NEK1: variants seen among roughly 807,000 people sequenced by gnomAD.
NEK1 encodes the protein serine/threonine-protein kinase Nek1.
A neutral mutation model predicts 182.1 loss-of-function variants in NEK1; 137 were observed. The ratio of observed to expected loss-of-function variants is 0.75; its 90% CI spans 0.65 to 0.87. NEK1 has a LOEUF of 0.87. NEK1 is among the 40% of genes least tolerant of loss of function. The pLI is 0.00. For synonymous variants in NEK1, 513 were observed against 492.2 expected, an observed-to-expected ratio of 1.04 and a Z score of -0.56; for missense variants, 1,391 against 1,494.4, an observed-to-expected ratio of 0.93 and a Z score of 1.14.
At chr4:169,497,574 G>T (rs996817276) in intron 23 of NEK1, among the ~76,000 whole-genome samples, 2 of 152,048 alleles carry the variant, frequency 1.3e-5, no homozygotes, top group Non-Finnish European at 2.9e-5. Flanking sequence ...GCACTGCTTT[G>T]AGTGTGTCCC....
chr4:169,522,086 T>C (rs1253995542), intron 19 of NEK1, among the ~76,000 whole-genome samples: 1 of 152,206 alleles, frequency 6.6e-6, no homozygotes, highest in Non-Finnish European at 1.5e-5. Flanking sequence ...GTTGTTCAGA[T>C]AGAGAACTGA....
At chr4:169,495,961 G>C (rs1275991006) in intron 23 of NEK1, among the ~76,000 whole-genome samples, 1 of 152,152 alleles carries the variant, frequency 6.6e-6, no homozygotes, top group African/African-American at 2.4e-5. Context: ...TAGCTTGATG[G>C]GGATGGCATT....
chr4:169,552,363 CAA>C (rs57979638), intron 18 of NEK1, among the ~76,000 whole-genome samples: 1 of 121,268 alleles, frequency 8.2e-6, no homozygotes. Context: ...CTATACATGC[CAA>C]AAAAAAAAAA....
chr4:169,476,832 T>C (rs1279718699), intron 26 of NEK1, among the ~76,000 whole-genome samples: 1 of 152,114 alleles, frequency 6.6e-6, no homozygotes, highest in Non-Finnish European at 1.5e-5. Flanking sequence ...TAACATGGTA[T>C]ACAGAGTTAA....
chr4:169,426,071 C>A, intron 30 of NEK1, 75 bp downstream of exon 30: 1 of 1,058,298 alleles, frequency 9.4e-7, no homozygotes, highest in Non-Finnish European at 1.4e-6. Context: ...TATATATTAC[C>A]CAAATAAAAC....
intron 16 of NEK1, among the ~76,000 whole-genome samples, chr4:169,560,471 C>A (rs372927143): frequency 1.3e-5 from 2 of 152,080 alleles, no homozygotes; most frequent in Non-Finnish European, 2.9e-5. Context: ...TATATGTTAA[C>A]GTAACCCTGG....
chr4:169,596,640 G>A (rs1769541199), intron 5 of NEK1, among the ~76,000 whole-genome samples: 1 of 152,094 alleles, frequency 6.6e-6, no homozygotes, highest in African/African-American at 2.4e-5. Flanking sequence ...TTCAGTAGCT[G>A]GAGAATCATC....
At chr4:169,495,239 C>CTTTTTTTTTT (rs774183115) in intron 23 of NEK1, among the ~76,000 whole-genome samples, 1 of 105,448 alleles carries the variant, frequency 9.5e-6, no homozygotes, top group Non-Finnish European at 1.9e-5. Flanking sequence ...ACATTTAAGT[C>CTTTTTTTTTT]TTTTTTTTTT....
chr4:169,477,811 G>C (rs934061189), intron 24 of NEK1, among the ~76,000 whole-genome samples: 21 of 147,238 alleles, frequency 1.4e-4, no homozygotes, highest in African/African-American at 5.6e-4. Context: ...AAAATTAGAG[G>C]AAAAAGTAGA....
At chr4:169,599,294 G>A (rs2150129234) in intron 4 of NEK1, 97 bp from the exon 5 acceptor site, 4 of 846,644 alleles carry the variant, frequency 4.7e-6, no homozygotes, top group Non-Finnish European at 7.3e-6. Context: ...AGCAGCTGCT[G>A]AACAAAAAAC....
intron 23 of NEK1, among the ~76,000 whole-genome samples, chr4:169,492,866 AG>A (rs1750371145): frequency 6.6e-6 from 1 of 152,224 alleles, no homozygotes; most frequent in African/African-American, 2.4e-5. Context: ...AATGGGAAAC[AG>A]GAAATGTGGG....
intron 35 of NEK1, among the ~76,000 whole-genome samples, chr4:169,398,428 T>C (rs1731087458): frequency 6.6e-6 from 1 of 152,168 alleles, no homozygotes. Flanking sequence ...GCCCTCTTTT[T>C]AAAGATCATG....
chr4:169,591,749 A>G (rs1282642151), intron 5 of NEK1, among the ~76,000 whole-genome samples: 4 of 152,178 alleles, frequency 2.6e-5, no homozygotes, highest in Non-Finnish European at 1.5e-5. Flanking sequence ...CTTTCAAAAC[A>G]TGACATAAAA....
intron 31 of NEK1, among the ~76,000 whole-genome samples, chr4:169,417,633 C>T (rs1359810944): frequency 6.6e-6 from 1 of 152,120 alleles, no homozygotes; most frequent in Non-Finnish European, 1.5e-5. Flanking sequence ...AGAGAAGGCC[C>T]AGGACATAGC....
chr4:169,577,172 T>A (rs1765821417), intron 11 of NEK1, 93 bp from the exon 12 acceptor site: 1 of 1,161,554 alleles, frequency 8.6e-7, no homozygotes, highest in Non-Finnish European at 1.2e-6. Context: ...TTAATTTTCA[T>A]AATCATTGAT....
At chr4:169,559,797 G>A (rs1165064974) in intron 16 of NEK1, among the ~76,000 whole-genome samples, 1 of 152,118 alleles carries the variant, frequency 6.6e-6, no homozygotes, top group Admixed American at 6.5e-5. Context: ...GTCACCTGAG[G>A]TCGGGAGTTC....
chr4:169,566,790 A>T (rs1053312048), intron 12 of NEK1, among the ~76,000 whole-genome samples: 9 of 152,156 alleles, frequency 5.9e-5, no homozygotes, highest in African/African-American at 1.9e-4. Flanking sequence ...GAAGTCTTTT[A>T]AAAAAATGAG....
chr4:169,538,292 CAAAT>C (rs1758827477), intron 18 of NEK1, among the ~76,000 whole-genome samples: 1 of 151,896 alleles, frequency 6.6e-6, no homozygotes, highest in Non-Finnish European at 1.5e-5. Flanking sequence ...GCAGCGAAGT[CAAAT>C]AAAAGCAGTA....
intron 2 of NEK1, among the ~76,000 whole-genome samples, chr4:169,606,951 G>C (rs75918378): frequency 0.071 from 10,873 of 152,226 alleles, 1,274 homozygotes; most frequent in African/African-American, 0.25. Flanking sequence ...CAGTACAATG[G>C]AGCTCAAGTA....
Sources: gnomAD v4.1 joint callset for allele counts (sites outside exome capture counted in the v4.1 genomes callset) on GRCh38, gnomAD v4.1.1 for gene constraint, MANE v1.5 for transcripts, NCBI Gene and HGNC (gene_info 2026-07-23, HGNC 2026-07-21) for gene names.